Variants in RCSD1 observed in about 807,000 individuals in gnomAD.
RCSD1 encodes capZ-interacting protein.
RCSD1 carries 26 observed loss-of-function variants against 42.5 expected under a neutral mutation model. The observed-to-expected ratio is 0.61, with a 90% confidence interval of 0.45 to 0.85. The LOEUF (loss-of-function observed/expected upper bound fraction) is 0.85. Ranked by LOEUF, RCSD1 falls within the 40% of genes least tolerant of loss-of-function variation. The probability of loss-of-function intolerance (pLI) is 0.00; values close to 1 mark genes in which losing one functional copy is unlikely to be tolerated. For missense variants in RCSD1, 571 were observed against 528.3 expected (o/e 1.08, Z -0.79); for synonymous variants, 220 against 212.2 (o/e 1.04, Z -0.32).
chr1:167,694,041 G>A, intron 4 of RCSD1, 58 bp from the exon 5 acceptor site: 3 of 1,563,266 alleles, frequency 1.9e-6, no homozygotes, highest in Non-Finnish European at 2.6e-6. Flanking sequence ...ACAAGCTAAA[G>A]TAGAGGCTCT....
rs1285427597 is a variant in RCSD1 at position 167,684,009 on chromosome 1, A to G, written c.108+8A>G. ...GCGGCTGCAGCCAAGGAGGTGAGTC[A>G]GGCCGCTTCAGAGCAGCCTCTTCAG... On this transcript the variant is annotated splice_region_variant and intron_variant, in intron 2 of 6. Transcript: ENST00000367854. The G allele has an allele frequency of 3.1e-6, 5 of 1,609,210 alleles. No individual in the cohort carries two copies. Among genetic ancestry groups the G allele is most frequent in the Admixed American group, 3.3e-5 (2 of 59,982 alleles).
At chr1:167,669,070 C>T (rs2102220154) in intron 1 of RCSD1, among the ~76,000 whole-genome samples, 1 of 152,304 alleles carries the variant, frequency 6.6e-6, no homozygotes, top group Middle Eastern at 3.4e-3. Flanking sequence ...ATTCCAAGTA[C>T]AGTCAAAGAT....
intron 1 of RCSD1, among the ~76,000 whole-genome samples, chr1:167,657,521 C>T (rs1327216788): frequency 2.6e-5 from 4 of 152,162 alleles, no homozygotes; most frequent in African/African-American, 9.7e-5. Context: ...TGGTAAGCCT[C>T]ATACTTCCTA....
chr1:167,639,253 A>AAAC, intron 1 of RCSD1, among the ~76,000 whole-genome samples: 2 of 151,898 alleles, frequency 1.3e-5, no homozygotes, highest in Middle Eastern at 6.8e-3. Flanking sequence ...AAACAAAAAC[A>AAAC]AACAAACAAA....
At chr1:167,645,005 C>T (rs1658098732) in intron 1 of RCSD1, among the ~76,000 whole-genome samples, 2 of 152,224 alleles carry the variant, frequency 1.3e-5, no homozygotes, top group Non-Finnish European at 2.9e-5. Context: ...TGATTAAGGA[C>T]CCCAGGTCTT....
At chr1:167,696,119 A>G (rs1262159198) in intron 5 of RCSD1, among the ~76,000 whole-genome samples, 1 of 151,598 alleles carries the variant, frequency 6.6e-6, no homozygotes, top group African/African-American at 2.4e-5. Flanking sequence ...GAAGCTGGTC[A>G]CCAGGTCTCC....
At chr1:167,647,903 A>G (rs74347209) in intron 1 of RCSD1, among the ~76,000 whole-genome samples, 3 of 152,200 alleles carry the variant, frequency 2.0e-5, no homozygotes, top group Admixed American at 2.0e-4. Flanking sequence ...GAAATTCATC[A>G]TCTTAACACA....
At chr1:167,663,762 G>A (rs775375109) in intron 1 of RCSD1, 5 of 152,368 alleles carry the variant, frequency 3.3e-5, no homozygotes, top group East Asian at 1.9e-4. Flanking sequence ...GTATCTCTAC[G>A]AAGAGTGCAA....
At position 167,694,264 on chromosome 1, in the gene RCSD1, C is replaced by T; in HGVS notation, c.436C>T (p.Gln146Ter). Residue 146 changes from glutamine (Q) to a stop codon, truncating the protein, a stop_gained, in exon 5 of 7, where the codon CAG becomes TAG. Transcript: ENST00000367854. LOFTEE classifies it high-confidence loss of function. ...AGAGGAGGTGCCTGTCAGCTTCGAC[C>T]AGCCCCCTGAAGGCAGTCATCTGCC... is the stretch of plus-strand genomic sequence containing the variant. ...EAEEVPVSFD[Q>*]PPEGSHLPCY... The T allele has an allele frequency of 6.2e-7, 1 of 1,614,190 alleles. No homozygotes were observed. The highest frequency in any genetic ancestry group is 8.5e-7 in the Non-Finnish European group (1 of 1,180,032).
intron 1 of RCSD1, among the ~76,000 whole-genome samples, chr1:167,650,186 TAA>T (rs751027413): frequency 6.6e-6 from 1 of 152,166 alleles, no homozygotes; most frequent in Non-Finnish European, 1.5e-5. Context: ...GGAAAGAATA[TAA>T]AAGACTCCAC....
chr1:167,667,539 T>C (rs749275199), intron 1 of RCSD1, among the ~76,000 whole-genome samples: 7 of 152,146 alleles, frequency 4.6e-5, no homozygotes, highest in Non-Finnish European at 1.5e-5. Context: ...CTAGGATAGG[T>C]TGGGTTGTTA....
intron 1 of RCSD1, among the ~76,000 whole-genome samples, chr1:167,636,458 G>A (rs1288418202): frequency 6.6e-6 from 1 of 152,206 alleles, no homozygotes; most frequent in Non-Finnish European, 1.5e-5. Context: ...TTTTGAACCT[G>A]TTTGTACCAT....
chr1:167,650,764 A>T (rs1427581122), intron 1 of RCSD1, among the ~76,000 whole-genome samples: 1 of 152,088 alleles, frequency 6.6e-6, no homozygotes, highest in African/African-American at 2.4e-5. Context: ...TTAGCAATGG[A>T]GTAGGGAGAG....
intron 1 of RCSD1, among the ~76,000 whole-genome samples, chr1:167,653,671 GAGAC>G (rs2102208807): frequency 1.3e-5 from 2 of 152,358 alleles, no homozygotes; most frequent in East Asian, 1.9e-4. Flanking sequence ...CTCTGTTAGA[GAGAC>G]AGACAGTTCA....
chr1:167,648,815 C>T (rs1453026287), intron 1 of RCSD1, among the ~76,000 whole-genome samples: 1 of 152,148 alleles, frequency 6.6e-6, no homozygotes, highest in East Asian at 1.9e-4. Flanking sequence ...TGGGCTGGTC[C>T]TCTAGGAAAT....
intron 1 of RCSD1, among the ~76,000 whole-genome samples, chr1:167,632,048 C>T (rs979243782): frequency 2.0e-5 from 3 of 152,232 alleles, no homozygotes; most frequent in Admixed American, 6.5e-5. Context: ...CGGTGAGGCA[C>T]GCACACAGCG....
At chr1:167,656,548 A>T (rs1658429702) in intron 1 of RCSD1, among the ~76,000 whole-genome samples, 1 of 152,216 alleles carries the variant, frequency 6.6e-6, no homozygotes, top group Admixed American at 6.5e-5. Flanking sequence ...TTGAAAAATC[A>T]GATCATTTGG....
chr1:167,696,036 G>T (rs1659490951), intron 5 of RCSD1, among the ~76,000 whole-genome samples: 1 of 152,114 alleles, frequency 6.6e-6, no homozygotes, highest in Admixed American at 6.6e-5. Context: ...AGAAGCAAAG[G>T]AATCTGGCTG....
chr1:167,688,738 A>C (rs73033857), intron 3 of RCSD1, among the ~76,000 whole-genome samples: 7,200 of 152,238 alleles, frequency 0.047, 573 homozygotes, highest in African/African-American at 0.16. Flanking sequence ...CACATTATAA[A>C]TATCTCAGAA....
Sources: gnomAD v4.1 joint callset for allele counts (sites outside exome capture counted in the v4.1 genomes callset) on GRCh38, gnomAD v4.1.1 for gene constraint, MANE v1.5 for transcripts, NCBI Gene and HGNC (gene_info 2026-07-23, HGNC 2026-07-21) for gene names.